ABR: variants seen among roughly 807,000 people sequenced by gnomAD.
ABR encodes the protein ABR activator of RhoGEF and GTPase, also known as active breakpoint cluster region-related protein.
Under a neutral mutation model 107.2 loss-of-function variants are expected in ABR, and 35 were observed. The observed-to-expected ratio is 0.33, with a 90% CI of 0.25 to 0.43. The LOEUF is 0.43. ABR is among the 20% of genes least tolerant of loss of function. ABR has a pLI of 1.00. For synonymous variants in ABR, 498 were observed against 462.0 expected (o/e 1.08, Z -1.00); for missense variants, 815 against 1,115.2 (o/e 0.73, Z 3.83).
At chr17:1,086,822 T>C (rs764375671) in intron 4 of ABR, among the ~76,000 whole-genome samples, 1 of 152,118 alleles carries the variant, frequency 6.6e-6, no homozygotes, top group Non-Finnish European at 1.5e-5. Context: ...TTAAAGTACA[T>C]GCAGCTGGGA....
rs1309762071 is a variant in ABR, at chr17:1,179,566, G to A, written c.61+101C>T. The A allele has an allele frequency of 1.5e-5, 19 of 1,268,898 alleles. No individual in the cohort carries two copies. Among genetic ancestry groups the A allele is most frequent in the Admixed American group, 3.3e-5 (1 of 30,554 alleles). The allele number at this position is 1,268,898 out of a possible 1,614,324, so 78.6% of individuals were successfully genotyped here. On this transcript the variant is annotated intron_variant, in intron 1 of 22. Transcript: ENST00000302538. This position sits in a 1 kb window ranked among gnomAD's most constrained non-coding sequence, Gnocchi z 4.9. ...CGGACCAGCCCGGTGCCTGGGTCCC[G>A]ATCCCGATCTTGGGGTCCCGATCCC...
intron 1 of ABR, among the ~76,000 whole-genome samples, chr17:1,130,932 G>C (rs140308532): frequency 6.6e-6 from 1 of 152,326 alleles, no homozygotes; most frequent in Non-Finnish European, 1.5e-5. Context: ...CAGACTTCTG[G>C]TCTTCAGACT....
chr17:1,013,255 C>CAG, intron 16 of ABR, 91 bp from the exon 17 acceptor site: 1 of 1,262,474 alleles, frequency 7.9e-7, no homozygotes, highest in Non-Finnish European at 1.2e-6. Flanking sequence ...GAGCCAGCTA[C>CAG]ACAGTCAGGA....
At chr17:1,032,120 C>CCCGTGTTGCCCA (rs2150922171) in intron 16 of ABR, among the ~76,000 whole-genome samples, 1 of 152,178 alleles carries the variant, frequency 6.6e-6, no homozygotes, top group South Asian at 2.1e-4. Flanking sequence ...CTGCTGGGTC[C>CCCGTGTTGCCCA]CCGTGTTGCC....
intron 6 of ABR, among the ~76,000 whole-genome samples, chr17:1,077,836 C>T (rs1476983706): frequency 2.6e-5 from 4 of 152,212 alleles, no homozygotes; most frequent in Admixed American, 6.5e-5. Context: ...CTGCTGCTCC[C>T]ACAGACTCAG....
chr17:1,028,434 A>G (rs1229173599), intron 16 of ABR, among the ~76,000 whole-genome samples: 3 of 152,068 alleles, frequency 2.0e-5, no homozygotes, highest in Non-Finnish European at 2.9e-5. Flanking sequence ...GGGCTTCTCC[A>G]TGTTGGCCAG....
intron 16 of ABR, among the ~76,000 whole-genome samples, chr17:1,034,876 G>A (rs1463499834): frequency 1.3e-5 from 2 of 152,098 alleles, no homozygotes; most frequent in African/African-American, 2.4e-5. Context: ...GGGGGAGAAG[G>A]GGGCCGTGTG....
rs1180785322 is a variant in ABR at position 1,010,606 on chromosome 17, G to C, written c.2236+123C>G. ...TCGGACCCCTCAGCCACAGGCCCCA[G>C]TGCACTGGGAAGGTCAGCCAGCAAA... On this transcript the variant is annotated intron_variant, in intron 20 of 22. Transcript: ENST00000302538. This position sits in a 1 kb window ranked among gnomAD's most constrained non-coding sequence, Gnocchi z 4.1. 5 of 1,374,790 alleles carry C rather than the reference G, an allele frequency of 3.6e-6. No individual in the cohort carries two copies. Among genetic ancestry groups the C allele is most frequent in the Non-Finnish European group, 5.0e-6 (5 of 1,009,408 alleles). 85.2% of individuals were successfully genotyped at this position (1,374,790 alleles called of 1,614,324 possible).
chr17:1,035,180 C>G (rs978720874), intron 16 of ABR, among the ~76,000 whole-genome samples: 1 of 151,700 alleles, frequency 6.6e-6, no homozygotes, highest in Non-Finnish European at 1.5e-5. Flanking sequence ...AAGATCTGTG[C>G]AAGACAGATG....
intron 16 of ABR, among the ~76,000 whole-genome samples, chr17:1,039,159 G>C (rs1262067582): frequency 1.3e-5 from 2 of 152,170 alleles, no homozygotes; most frequent in Admixed American, 1.3e-4. Context: ...ATCGGCTCCT[G>C]AGGTCCTGTC....
chr17:1,212,718 C>T (rs2150742866), intron 1 of ABR, among the ~76,000 whole-genome samples: 1 of 152,272 alleles, frequency 6.6e-6, no homozygotes, highest in African/African-American at 2.4e-5. Flanking sequence ...GGAAAAACTC[C>T]ATCTTTACTA....
intron 16 of ABR, among the ~76,000 whole-genome samples, chr17:1,044,918 C>T (rs2031325536): frequency 6.6e-6 from 1 of 152,156 alleles, no homozygotes; most frequent in South Asian, 2.1e-4. Flanking sequence ...CCGCTCTATA[C>T]CAAGATTTCT....
intron 16 of ABR, chr17:1,031,494 G>A (rs975877936): frequency 7.9e-6 from 6 of 754,730 alleles, no homozygotes; most frequent in Non-Finnish European, 1.1e-5. Flanking sequence ...TCCACGGAGG[G>A]GGCGGGAGCG....
chr17:1,203,902 G>A (rs189505389), intron 1 of ABR, among the ~76,000 whole-genome samples: 9 of 152,322 alleles, frequency 5.9e-5, no homozygotes, highest in Admixed American at 3.3e-4. Flanking sequence ...ACCAGCTCCA[G>A]CTCCTCATCT....
At chr17:1,137,639 A>C (rs2040130822) in intron 1 of ABR, among the ~76,000 whole-genome samples, 1 of 152,200 alleles carries the variant, frequency 6.6e-6, no homozygotes, top group Non-Finnish European at 1.5e-5. Context: ...AAAAGTCTGA[A>C]AGATCGTGAG....
At chr17:1,069,703 G>C (rs903999667) in intron 9 of ABR, among the ~76,000 whole-genome samples, 1 of 151,998 alleles carries the variant, frequency 6.6e-6, no homozygotes, top group African/African-American at 2.4e-5. Flanking sequence ...GTTGCTGAAG[G>C]CTCCATGGGT....
chr17:1,165,172 C>T (rs1271216856), intron 1 of ABR, among the ~76,000 whole-genome samples: 1 of 152,236 alleles, frequency 6.6e-6, no homozygotes, highest in Admixed American at 6.5e-5. Flanking sequence ...GAGGTGCCTC[C>T]ACCCAGCCGA....
upstream of ABR, among the ~76,000 whole-genome samples, chr17:1,180,170 G>A (rs1381991155): frequency 6.6e-6 from 1 of 151,714 alleles, no homozygotes; most frequent in Admixed American, 6.5e-5. Flanking sequence ...GGGGCCGCGG[G>A]GGTCTCGGGG....
intron 12 of ABR, 183 bp downstream of exon 12, chr17:1,057,787 G>T: frequency 1.7e-6 from 1 of 583,144 alleles, no homozygotes; most frequent in Non-Finnish European, 3.1e-6. Flanking sequence ...ATGTCTTTCA[G>T]CCAATCAGTT....
Sources: gnomAD v4.1 joint callset for allele counts (sites outside exome capture counted in the v4.1 genomes callset) on GRCh38, gnomAD v4.1.1 for gene constraint, Gnocchi (gnomAD v3.1) non-coding constraint, MANE v1.5 for transcripts, NCBI Gene and HGNC (gene_info 2026-07-23, HGNC 2026-07-21) for gene names.